TJP1: variants seen among roughly 807,000 people sequenced by gnomAD.
The protein encoded by TJP1 is tight junction protein 1.
In TJP1, 43 loss-of-function variants were observed where a neutral mutation model predicts 194.2. The observed-to-expected ratio is 0.22, with a 90% CI of 0.17 to 0.29. TJP1 has a LOEUF of 0.29. Ranked by LOEUF, TJP1 falls within the 10% of genes least tolerant of loss-of-function variation. The pLI is 1.00. For missense variants in TJP1, 1,971 were observed against 2,185.7 expected (o/e 0.90, Z 1.96); for synonymous variants, 801 against 779.0 (o/e 1.03, Z -0.47).
chr15:29,932,215 G>A (rs573229040), intron 2 of TJP1, among the ~76,000 whole-genome samples: 65 of 152,248 alleles, frequency 4.3e-4, no homozygotes, highest in Admixed American at 1.2e-3. Flanking sequence ...TGGTTCACAC[G>A]TCTCTGACAA....
intron 15 of TJP1, chr15:29,729,295 G>T (rs1314915626): frequency 2.0e-5 from 3 of 152,094 alleles, no homozygotes; most frequent in Admixed American, 1.3e-4. Flanking sequence ...GTAAGACCTT[G>T]TCTCAAACAA....
intron 2 of TJP1, among the ~76,000 whole-genome samples, chr15:29,922,811 A>G (rs1012754798): frequency 2.0e-5 from 3 of 152,232 alleles, no homozygotes; most frequent in African/African-American, 7.2e-5. Context: ...TAACAGTAAC[A>G]AGATATTGTT....
At chr15:29,779,891 T>TA (rs1332944862) in intron 2 of TJP1, among the ~76,000 whole-genome samples, 1 of 150,812 alleles carries the variant, frequency 6.6e-6, no homozygotes, top group African/African-American at 2.4e-5. Context: ...GAGGAGGGGA[T>TA]AAACAACCAG....
At chr15:29,788,064 T>C (rs1321180818) in intron 2 of TJP1, among the ~76,000 whole-genome samples, 1 of 152,244 alleles carries the variant, frequency 6.6e-6, no homozygotes, top group Admixed American at 6.5e-5. Flanking sequence ...TGAAGGCTAA[T>C]GATACTGAAC....
At chr15:29,897,488 C>A (rs533698072) in intron 2 of TJP1, among the ~76,000 whole-genome samples, 128 of 152,304 alleles carry the variant, frequency 8.4e-4, no homozygotes, top group African/African-American at 2.8e-3. Flanking sequence ...TCAGAGTCCC[C>A]ACACAGATTC....
At chr15:29,941,223 G>C (rs1342814101) in intron 2 of TJP1, among the ~76,000 whole-genome samples, 3 of 152,064 alleles carry the variant, frequency 2.0e-5, no homozygotes, top group South Asian at 2.1e-4. Context: ...CATCTCCGTG[G>C]ACCACTCCTC....
intron 2 of TJP1, among the ~76,000 whole-genome samples, chr15:29,789,012 G>C (rs1222586504): frequency 6.6e-6 from 1 of 152,074 alleles, no homozygotes; most frequent in African/African-American, 2.4e-5. Context: ...ATTGAAAAGT[G>C]AACAATTTTG....
intron 2 of TJP1, 153 bp downstream of exon 2, chr15:29,800,492 AT>A: frequency 1.5e-6 from 1 of 677,242 alleles, no homozygotes; most frequent in Non-Finnish European, 2.5e-6. Flanking sequence ...TTTGACCTTA[AT>A]AAAAAATTAT....
In TJP1 at chr15:29,918,506, G is replaced by A. The variant is rs576449378; in HGVS notation, c.306+37726C>T. ...TCCGAGTACTGTGGGGGACCAAGGC[G>A]GGTGGGTTGTTTGAGCTCAGGAGTC... On this transcript the variant is annotated intron_variant, in intron 2 of 28. Transcript: ENST00000356107. Among the ~76,000 whole-genome samples the A allele has an allele frequency of 2.2e-4, 34 of 152,272 alleles. No homozygotes were observed. The South Asian group carries it at 4.8e-3, about 21-fold the overall frequency.
chr15:29,803,019 GT>G (rs962780396), intron 1 of TJP1, among the ~76,000 whole-genome samples: 6 of 152,282 alleles, frequency 3.9e-5, no homozygotes, highest in Non-Finnish European at 7.4e-5. Context: ...GGAGCAGGTT[GT>G]AAAACAGCGT....
intron 22 of TJP1, among the ~76,000 whole-genome samples, chr15:29,717,577 C>T (rs1327173185): frequency 2.0e-5 from 3 of 152,178 alleles, no homozygotes; most frequent in South Asian, 4.1e-4. Context: ...AGAACAACAA[C>T]AGTGTCACCT....
chr15:29,808,369 G>C (rs964844866), intron 1 of TJP1, among the ~76,000 whole-genome samples: 1 of 152,196 alleles, frequency 6.6e-6, no homozygotes, highest in Non-Finnish European at 1.5e-5. Flanking sequence ...ATGGAGGTGG[G>C]GGAGCTTCGG....
chr15:29,710,577 C>G (rs1302459838), intron 24 of TJP1, among the ~76,000 whole-genome samples: 1 of 152,118 alleles, frequency 6.6e-6, no homozygotes, highest in Non-Finnish European at 1.5e-5. Flanking sequence ...CATATACTGG[C>G]AAACACTACT....
At chr15:29,733,926 T>A (rs2043840440) in intron 12 of TJP1, among the ~76,000 whole-genome samples, 1 of 152,216 alleles carries the variant, frequency 6.6e-6, no homozygotes, top group Non-Finnish European at 1.5e-5. Flanking sequence ...AACATCTGAG[T>A]GTATTGCTTA....
intron 2 of TJP1, among the ~76,000 whole-genome samples, chr15:29,864,476 G>A (rs1159098326): frequency 6.6e-6 from 1 of 152,118 alleles, no homozygotes; most frequent in African/African-American, 2.4e-5. Flanking sequence ...GCTTAACAAA[G>A]TTCCTAACCC....
At chr15:29,952,347 C>G (rs1215223245) in intron 2 of TJP1, among the ~76,000 whole-genome samples, 2 of 152,192 alleles carry the variant, frequency 1.3e-5, no homozygotes, top group Non-Finnish European at 2.9e-5. Context: ...CAATCCCTGT[C>G]AGTAAACTAG....
chr15:29,766,231 A>G, intron 5 of TJP1, 35 bp downstream of exon 5: 3 of 1,583,110 alleles, frequency 1.9e-6, no homozygotes, highest in Admixed American at 1.9e-5. Flanking sequence ...TTAAATTTTC[A>G]TGTGAAAAAA....
intron 1 of TJP1, among the ~76,000 whole-genome samples, chr15:29,962,084 A>G (rs890767649): frequency 6.6e-6 from 1 of 152,208 alleles, no homozygotes; most frequent in African/African-American, 2.4e-5. Context: ...CATCTTTGAC[A>G]TGGGACTCGG....
intron 2 of TJP1, among the ~76,000 whole-genome samples, chr15:29,906,375 A>G (rs2053811033): frequency 6.6e-6 from 1 of 151,708 alleles, no homozygotes; most frequent in South Asian, 2.1e-4. Flanking sequence ...CAGGAGGCTG[A>G]GGCAGGAGAA....
Sources: gnomAD v4.1 joint callset for allele counts (sites outside exome capture counted in the v4.1 genomes callset) on GRCh38, gnomAD v4.1.1 for gene constraint, MANE v1.5 for transcripts, NCBI Gene and HGNC (gene_info 2026-07-23, HGNC 2026-07-21) for gene names.